The following DTD1 variants were observed in gnomAD, a reference collection of about 807,000 sequenced individuals.
The protein encoded by DTD1 is D-tyrosyl-tRNA deacylase 1 homolog.
A neutral mutation model predicts 25.6 loss-of-function variants in DTD1; 13 were observed. That is an observed-to-expected ratio of 0.51 (90% confidence interval 0.33 to 0.81). The LOEUF (loss-of-function observed/expected upper bound fraction) is 0.81, where lower values mean the gene tolerates loss of function less well. Ranked by LOEUF, DTD1 falls within the 30% of genes least tolerant of loss-of-function variation. The probability of loss-of-function intolerance (pLI) is 0.02; values close to 1 mark genes in which losing one functional copy is unlikely to be tolerated. For synonymous variants in DTD1, 110 were observed against 103.6 expected, an observed-to-expected ratio of 1.06 and a Z score of -0.37; for missense variants, 193 against 266.4, an observed-to-expected ratio of 0.72 and a Z score of 1.92.
At chr20:18,700,845 A>ACT (rs1170231692) in intron 4 of DTD1, among the ~76,000 whole-genome samples, 1 of 152,194 alleles carries the variant, frequency 6.6e-6, no homozygotes, top group Non-Finnish European at 1.5e-5. Context: ...GGAGGAAGGA[A>ACT]GGCTTTTCAC....
intron 4 of DTD1, chr20:18,632,377 C>G (rs1195788172): frequency 1.0e-6 from 1 of 985,350 alleles, no homozygotes; most frequent in South Asian, 4.7e-5. Context: ...CGCTCTGCCC[C>G]TAGCTCTCCA....
At chr20:18,670,925 G>C (rs11700263) in intron 4 of DTD1, among the ~76,000 whole-genome samples, 2 of 152,336 alleles carry the variant, frequency 1.3e-5, no homozygotes, top group South Asian at 2.1e-4. Flanking sequence ...ATTTCCTTTA[G>C]TGTTTGTCCC....
chr20:18,631,008 G>C, intron 4 of DTD1: 1 of 961,096 alleles, frequency 1.0e-6, no homozygotes, highest in Non-Finnish European at 1.2e-6. Context: ...TGGTTCAGGT[G>C]AAGTCTACCA....
chr20:18,671,414 C>T (rs1003688135), intron 4 of DTD1, among the ~76,000 whole-genome samples: 3 of 152,094 alleles, frequency 2.0e-5, no homozygotes, highest in African/African-American at 7.2e-5. Flanking sequence ...GCCTTTATCC[C>T]GTCTCCATCA....
rs1182603192 is a variant in DTD1 at position 18,661,600 on chromosome 20, T to C, written c.477+33367T>C. 1.8e-4 allele frequency among the ~76,000 whole-genome samples: 27 copies of C among 152,298 alleles called. 1 individual carries two copies. The East Asian group carries it at 5.2e-3, about 30-fold the overall frequency. On this transcript the variant is annotated intron_variant, in intron 4 of 5. Transcript: ENST00000377452. ...GTTAGCCAGGATGGTTTTGATCTCC[T>C]GACCTCGTGATCTGCCCGCCTTGGC...
At chr20:18,640,843 C>T (rs922515212) in intron 4 of DTD1, among the ~76,000 whole-genome samples, 1 of 152,022 alleles carries the variant, frequency 6.6e-6, no homozygotes, top group Non-Finnish European at 1.5e-5. Flanking sequence ...GTTGGCCAGG[C>T]TGATCTCAAA....
chr20:18,646,046 G>A (rs1226906968), intron 4 of DTD1, among the ~76,000 whole-genome samples: 2 of 152,180 alleles, frequency 1.3e-5, no homozygotes, highest in Non-Finnish European at 2.9e-5. Flanking sequence ...GATAGTGGAG[G>A]CCTGTTGTTA....
intron 5 of DTD1, among the ~76,000 whole-genome samples, chr20:18,757,340 G>T (rs1226059623): frequency 6.6e-6 from 1 of 152,206 alleles, no homozygotes; most frequent in Non-Finnish European, 1.5e-5. Context: ...GGGCATCCCT[G>T]TCTTGTGTGA....
At chr20:18,627,581 C>G (rs978154685) in intron 3 of DTD1, among the ~76,000 whole-genome samples, 2 of 152,196 alleles carry the variant, frequency 1.3e-5, no homozygotes, top group African/African-American at 4.8e-5. Context: ...ATTTCCATCC[C>G]TCTTACAAGG....
At position 18,653,299 on chromosome 20, in the gene DTD1, T is replaced by G. The variant is rs1452696340; in HGVS notation, c.477+25066T>G. On this transcript the variant is annotated intron_variant, in intron 4 of 5. Coordinates refer to ENST00000377452, the MANE Select transcript of DTD1 (RefSeq NM_080820.6). Reference sequence around the variant, plus strand: ...ATCTCAGCTGCTTGGGAGGCTGCAGTGGGAGGATCATCTGAGCGTGGGAGG... The same window carrying G: ...ATCTCAGCTGCTTGGGAGGCTGCAGGGGGAGGATCATCTGAGCGTGGGAGG... Among the ~76,000 whole-genome samples the G allele has an allele frequency of 2.6e-5, 4 of 152,160 alleles. No homozygotes were observed. The East Asian group carries it at 7.7e-4, about 29-fold the overall frequency.
At chr20:18,607,455 G>A (rs1009671363) in intron 3 of DTD1, among the ~76,000 whole-genome samples, 6 of 151,912 alleles carry the variant, frequency 3.9e-5, no homozygotes, top group Admixed American at 1.3e-4. Flanking sequence ...CACTGCGCCC[G>A]GCTCTTGTAA....
rs541467881 is a variant in DTD1 at position 18,661,521 on chromosome 20, G to A, written c.477+33288G>A. ...TGAGTAGCTGGGACTACAGGTGCCCGCCAGCACGCCTGGCTAATTTTTTGT... is the reference window on the plus strand; with the variant it reads ...TGAGTAGCTGGGACTACAGGTGCCCACCAGCACGCCTGGCTAATTTTTTGT... On this transcript the variant is annotated intron_variant, in intron 4 of 5. Transcript: ENST00000377452. Among the ~76,000 whole-genome samples, 155 of 152,124 alleles carry A rather than the reference G, an allele frequency of 1.0e-3. 1 individual carries two copies. Among genetic ancestry groups the A allele is most frequent in the African/African-American group, 3.6e-3 (150 of 41,510 alleles).
chr20:18,637,800 A>G (rs1254230474), intron 4 of DTD1, among the ~76,000 whole-genome samples: 1 of 152,220 alleles, frequency 6.6e-6, no homozygotes, highest in Non-Finnish European at 1.5e-5. Context: ...AGTTCATGGT[A>G]AAAGCTTTTC....
chr20:18,600,433 G>A (rs1408891699), intron 3 of DTD1, among the ~76,000 whole-genome samples: 1 of 152,046 alleles, frequency 6.6e-6, no homozygotes, highest in Non-Finnish European at 1.5e-5. Context: ...TCGAATTCTG[G>A]GCTCTCTGTT....
chr20:18,708,252 TTA>T lies in DTD1; in HGVS notation c.478-35838_478-35837del, dbSNP rs1203473690. Among the ~76,000 whole-genome samples, 33 of 31,768 alleles carry T rather than the reference TTA, an allele frequency of 1.0e-3. 1 individual carries two copies. Among genetic ancestry groups the T allele is most frequent in the African/African-American group, 3.0e-3 (18 of 6,036 alleles). 20.8% of individuals were successfully genotyped at this position (31,768 alleles called of 152,430 possible). A position where few individuals can be genotyped will look rare whatever the true frequency, so the allele number is the denominator to read the frequency against. On this transcript the variant is annotated intron_variant, in intron 4 of 5. Transcript: ENST00000377452. Reference sequence around the variant, plus strand: ...ATATTTTATATATATATAATATATATTATATATATATTTTATATATATATAAT... The same window carrying T: ...ATATTTTATATATATATAATATATATTATATATATTTTATATATATATAAT...
intron 4 of DTD1, among the ~76,000 whole-genome samples, chr20:18,652,194 T>A (rs145368372): frequency 1.3e-5 from 2 of 152,352 alleles, no homozygotes; most frequent in African/African-American, 4.8e-5. Flanking sequence ...GTGTCTGGAT[T>A]TGAGTCTTTG....
intron 4 of DTD1, among the ~76,000 whole-genome samples, chr20:18,720,873 T>A (rs1427293150): frequency 6.6e-6 from 1 of 152,168 alleles, no homozygotes; most frequent in Non-Finnish European, 1.5e-5. Flanking sequence ...AAATTTTTTT[T>A]TGTTAACATG....
chr20:18,619,485 C>T (rs1424743431), intron 3 of DTD1, among the ~76,000 whole-genome samples: 1 of 152,016 alleles, frequency 6.6e-6, no homozygotes, highest in African/African-American at 2.4e-5. Context: ...AATGCAGTGG[C>T]ACAATCTTGG....
chr20:18,687,598 A>G (rs1322048210), intron 4 of DTD1, among the ~76,000 whole-genome samples: 1 of 151,928 alleles, frequency 6.6e-6, no homozygotes, highest in African/African-American at 2.4e-5. Context: ...TCTGTCACCC[A>G]GGCTGGAGTA....
Sources: allele counts gnomAD v4.1 joint callset (sites outside exome capture counted in the v4.1 genomes callset), GRCh38; gene constraint gnomAD v4.1.1; transcripts MANE v1.5; gene names NCBI Gene and HGNC (gene_info 2026-07-23, HGNC 2026-07-21).